The following CCDC178 variants were observed in gnomAD, a reference collection of about 807,000 sequenced individuals.
CCDC178 encodes coiled-coil domain-containing protein 178.
CCDC178 carries 126 observed loss-of-function variants against 117.4 expected under a neutral mutation model. The ratio of observed to expected loss-of-function variants is 1.07; its 90% CI spans 0.93 to 1.24. The LOEUF (loss-of-function observed/expected upper bound fraction) is 1.24. Among genes scored for constraint, CCDC178 ranks in the 50% most tolerant of loss-of-function variants. The pLI is 0.00. For synonymous variants in CCDC178, 283 were observed against 313.4 expected, an observed-to-expected ratio of 0.90 and a Z score of 1.02; for missense variants, 1,030 against 986.9, an observed-to-expected ratio of 1.04 and a Z score of -0.59.
In CCDC178 at chr18:33,370,756, G is replaced by C. The variant is rs145483452; in HGVS notation, c.209-567C>G. Among the ~76,000 whole-genome samples, 12 of 151,984 alleles carry C rather than the reference G, an allele frequency of 7.9e-5. No homozygotes were observed. The East Asian group carries it at 2.3e-3, about 30-fold the overall frequency. ...ATTTCTGAAAATTGGAGTCTCATAC[G>C]AAGAGTGATTAATGTTCTCACTATA... On this transcript the variant is annotated intron_variant, in intron 5 of 22. Transcript: ENST00000383096.
chr18:33,020,016 G>T (rs2056078991), intron 21 of CCDC178, among the ~76,000 whole-genome samples: 1 of 150,226 alleles, frequency 6.7e-6, no homozygotes, highest in South Asian at 2.1e-4. Context: ...TGCGATCTAA[G>T]TTCATTGCAA....
chr18:33,319,775 T>G (rs936023189), intron 11 of CCDC178, among the ~76,000 whole-genome samples: 1 of 152,230 alleles, frequency 6.6e-6, no homozygotes, highest in Non-Finnish European at 1.5e-5. Flanking sequence ...TGATTTGCAT[T>G]TCTCTGATGG....
At chr18:33,398,740 G>C (rs1245587002) in intron 3 of CCDC178, among the ~76,000 whole-genome samples, 3 of 152,090 alleles carry the variant, frequency 2.0e-5, no homozygotes, top group Non-Finnish European at 4.4e-5. Context: ...CGGAGATATT[G>C]TAAGTTCAGT....
intron 20 of CCDC178, among the ~76,000 whole-genome samples, chr18:33,142,310 TGAGG>T (rs1446277956): frequency 6.6e-6 from 1 of 152,172 alleles, no homozygotes; most frequent in Non-Finnish European, 1.5e-5. Flanking sequence ...GTGCCAAGGA[TGAGG>T]GATCGCCATA....
At chr18:33,424,438 C>A (rs1022387159) in intron 2 of CCDC178, among the ~76,000 whole-genome samples, 2 of 152,176 alleles carry the variant, frequency 1.3e-5, no homozygotes, top group African/African-American at 4.8e-5. Flanking sequence ...TCCAGGCCTG[C>A]GTGACTCAGC....
At chr18:33,026,108 C>T (rs2056223902) in intron 21 of CCDC178, among the ~76,000 whole-genome samples, 1 of 151,990 alleles carries the variant, frequency 6.6e-6, no homozygotes, top group Non-Finnish European at 1.5e-5. Flanking sequence ...TAAATAATCC[C>T]CAAAGGTCAC....
At chr18:33,351,473 G>A (rs924368856) in intron 7 of CCDC178, among the ~76,000 whole-genome samples, 2 of 152,030 alleles carry the variant, frequency 1.3e-5, no homozygotes, top group Non-Finnish European at 2.9e-5. Flanking sequence ...GATTACAGGC[G>A]TGAGCCACTG....
intron 9 of CCDC178, among the ~76,000 whole-genome samples, chr18:33,336,288 G>C (rs1241722656): frequency 6.6e-6 from 1 of 151,834 alleles, no homozygotes; most frequent in Non-Finnish European, 1.5e-5. Context: ...TGTCACTCTG[G>C]GTGAGACTTA....
At position 33,073,972 on chromosome 18, in the gene CCDC178, G is replaced by C. The variant is rs555515678; in HGVS notation, c.2388+18789C>G. Among the ~76,000 whole-genome samples, 80 of 152,038 alleles carry C rather than the reference G, an allele frequency of 5.3e-4. 2 individuals carry two copies. The South Asian group carries it at 0.015, about 29-fold the overall frequency. On this transcript the variant is annotated intron_variant, in intron 21 of 22. Transcript: ENST00000383096. The stretch of plus-strand genomic sequence containing the variant: ...AAATTTTTGGGAATATATACAGCTC[G>C]AAGCATCTGGAAATTCAAGGTCCCT...
chr18:33,349,479 G>T (rs1392065504), intron 7 of CCDC178, among the ~76,000 whole-genome samples: 1 of 151,848 alleles, frequency 6.6e-6, no homozygotes, highest in Non-Finnish European at 1.5e-5. Flanking sequence ...ATCATAGAAA[G>T]TTCTACTGGA....
At chr18:33,306,316 T>C (rs1162401402) in intron 11 of CCDC178, among the ~76,000 whole-genome samples, 1 of 151,772 alleles carries the variant, frequency 6.6e-6, no homozygotes, top group Admixed American at 6.6e-5. Context: ...TCCAATTTTG[T>C]CAGAAAAATA....
intron 3 of CCDC178, among the ~76,000 whole-genome samples, chr18:33,404,619 C>T (rs764421153): frequency 1.3e-5 from 2 of 152,032 alleles, no homozygotes; most frequent in Non-Finnish European, 2.9e-5. Context: ...ATACACCCAA[C>T]AGGAATGAAA....
chr18:33,421,383 T>A (rs1328707986), intron 2 of CCDC178, among the ~76,000 whole-genome samples: 5 of 152,236 alleles, frequency 3.3e-5, no homozygotes, highest in Non-Finnish European at 5.9e-5. Flanking sequence ...GTAGCTTGGC[T>A]TGTTAACTTG....
Position 33,325,899 on chromosome 18 carries a change from G to A in CCDC178, c.880-2266C>T, listed in dbSNP as rs976595552. 2.0e-5 allele frequency among the ~76,000 whole-genome samples: 3 copies of A among 152,184 alleles called. No individual in the cohort carries two copies. The East Asian group carries it at 5.8e-4, about 29-fold the overall frequency. ...AGTGTACAATTCAGTGGCATTCGGTGCATTCACAATGTTGTGCCAACATCA... is the reference window on the plus strand; with the variant it reads ...AGTGTACAATTCAGTGGCATTCGGTACATTCACAATGTTGTGCCAACATCA... On this transcript the variant is annotated intron_variant, in intron 10 of 22. Coordinates refer to ENST00000383096, the MANE Select transcript of CCDC178 (RefSeq NM_001105528.4).
upstream of CCDC178, chr18:33,440,989 G>C (rs1480870230): frequency 1.3e-5 from 2 of 152,204 alleles, no homozygotes; most frequent in African/African-American, 2.4e-5. Context: ...ACGCCCCTTC[G>C]TACAGCAGTG....
intron 21 of CCDC178, among the ~76,000 whole-genome samples, chr18:33,036,016 A>G (rs2056437484): frequency 6.6e-6 from 1 of 151,986 alleles, no homozygotes; most frequent in Non-Finnish European, 1.5e-5. Context: ...ACAGAGAGCT[A>G]TTTCTTGAAA....
intron 20 of CCDC178, among the ~76,000 whole-genome samples, chr18:33,204,364 G>T (rs1050529834): frequency 3.9e-5 from 6 of 151,992 alleles, no homozygotes; most frequent in African/African-American, 7.2e-5. Context: ...TACCTTCAGG[G>T]TTTCTCTCAA....
chr18:33,353,200 G>A (rs2063000713), intron 7 of CCDC178, among the ~76,000 whole-genome samples: 1 of 151,834 alleles, frequency 6.6e-6, no homozygotes, highest in African/African-American at 2.4e-5. Context: ...AGCCTATTTT[G>A]TGTGATATTG....
At chr18:32,953,293 ACTT>A (rs2054528784) in intron 22 of CCDC178, among the ~76,000 whole-genome samples, 1 of 152,168 alleles carries the variant, frequency 6.6e-6, no homozygotes, top group Non-Finnish European at 1.5e-5. Flanking sequence ...CTCAGACTGG[ACTT>A]CATTGTCTAT....
Sources: gnomAD v4.1 joint callset for allele counts (sites outside exome capture counted in the v4.1 genomes callset) on GRCh38, gnomAD v4.1.1 for gene constraint, MANE v1.5 for transcripts, NCBI Gene and HGNC (gene_info 2026-07-23, HGNC 2026-07-21) for gene names.